Variants in FSTL4 observed in about 807,000 individuals in gnomAD.
FSTL4 encodes the protein follistatin like 4.
In FSTL4, 28 loss-of-function variants were observed where a neutral mutation model predicts 78.2. The ratio of observed to expected loss-of-function variants is 0.36; its 90% CI spans 0.27 to 0.49. The LOEUF (loss-of-function observed/expected upper bound fraction) is 0.49. Ranked by LOEUF, FSTL4 falls within the 20% of genes least tolerant of loss-of-function variation. FSTL4 has a pLI of 0.98. For synonymous variants in FSTL4, 422 were observed against 440.5 expected (o/e 0.96, Z 0.53); for missense variants, 922 against 1,084.9 (o/e 0.85, Z 2.11).
chr5:133,441,378 G>A (rs2127003225), intron 3 of FSTL4, among the ~76,000 whole-genome samples: 1 of 152,298 alleles, frequency 6.6e-6, no homozygotes, highest in Non-Finnish European at 1.5e-5. Flanking sequence ...CACCCCGAGG[G>A]GAGACAGAGA....
chr5:133,425,940 G>C (rs185250158), intron 3 of FSTL4, among the ~76,000 whole-genome samples: 12 of 152,336 alleles, frequency 7.9e-5, no homozygotes, highest in Non-Finnish European at 1.6e-4. Flanking sequence ...TGAAGTTAGG[G>C]TGAGGAGAAG....
the FSTL4 span, among the ~76,000 whole-genome samples, chr5:133,680,545 C>T: frequency 6.6e-6 from 1 of 152,222 alleles, no homozygotes; most frequent in African/African-American, 2.4e-5. Context: ...ATTTTACCCT[C>T]TGATCTCCTC....
intron 2 of FSTL4, among the ~76,000 whole-genome samples, chr5:133,581,530 C>T: frequency 6.6e-6 from 1 of 152,248 alleles, no homozygotes; most frequent in East Asian, 1.9e-4. Context: ...CCACCCACAC[C>T]TCCCAGGAGG....
At chr5:133,215,934 AT>A (rs1750892044) in intron 13 of FSTL4, among the ~76,000 whole-genome samples, 1 of 152,162 alleles carries the variant, frequency 6.6e-6, no homozygotes, top group Admixed American at 6.5e-5. Flanking sequence ...TTTAGGGCCC[AT>A]CCAGGTAATC....
chr5:133,222,274 A>C (rs546148115), intron 11 of FSTL4, among the ~76,000 whole-genome samples: 1 of 152,016 alleles, frequency 6.6e-6, no homozygotes, highest in Non-Finnish European at 1.5e-5. Context: ...ATCCCGGGGG[A>C]ATCAGGGGCG....
At chr5:133,275,474 C>T (rs6886857) in intron 6 of FSTL4, among the ~76,000 whole-genome samples, 2,116 of 151,716 alleles carry the variant, frequency 0.014, 15 homozygotes, top group South Asian at 0.029. Context: ...GCAGAAGAAT[C>T]GCTTGAACCC....
chr5:133,302,573 G>A (rs1179527384), intron 6 of FSTL4, among the ~76,000 whole-genome samples: 1 of 152,214 alleles, frequency 6.6e-6, no homozygotes, highest in East Asian at 1.9e-4. Context: ...AGGGTGGCTT[G>A]GCACTGTCCC....
Position 133,199,361 on chromosome 5 carries a change from G to C in FSTL4, c.2263C>G (p.Leu755Val), listed in dbSNP as rs1268490589. 5 of 1,614,066 alleles carry C rather than the reference G, an allele frequency of 3.1e-6. No individual in the cohort carries two copies. The Admixed American group carries it at 5.0e-5, about 16-fold the overall frequency. Residue 755 changes from leucine to valine, a missense_variant, in exon 16 of 16, where the codon CTG becomes GTG. Physicochemically the swap from Leu to Val is conservative, Grantham distance 32. Coordinates refer to ENST00000265342, the MANE Select transcript of FSTL4 (RefSeq NM_015082.2). This position sits in a 1 kb window ranked among gnomAD's most constrained non-coding sequence, Gnocchi z 4.4. ...ESNQYNIYAA[L>V]HTEPDLLFLE... ...AACAGCAGGTCCGGCTCCGTGTGCA[G>C]AGCCGCGTAGATGTTGTATTGATTG...
chr5:133,805,532 C>T, the FSTL4 span, among the ~76,000 whole-genome samples: 1 of 152,154 alleles, frequency 6.6e-6, no homozygotes, highest in Non-Finnish European at 1.5e-5. Context: ...TCCTAAGATT[C>T]CCTGTTATTG....
chr5:133,811,558 C>G, the FSTL4 span, among the ~76,000 whole-genome samples: 1 of 152,252 alleles, frequency 6.6e-6, no homozygotes, highest in African/African-American at 2.4e-5. Flanking sequence ...TCCTCAAACA[C>G]AAATCAGCAA....
chr5:133,204,811 G>C lies in FSTL4; in HGVS notation c.1717-2769C>G, dbSNP rs148960769. The stretch of plus-strand genomic sequence containing the variant: ...AGATTGTGCCACTGCACTCCAGCCT[G>C]GGTGCAGAGTGAGATTCTGTCTCAA... On this transcript the variant is annotated intron_variant, in intron 14 of 15. Coordinates refer to ENST00000265342, the MANE Select transcript of FSTL4 (RefSeq NM_015082.2). Among the ~76,000 whole-genome samples the C allele has an allele frequency of 7.5e-3, 1,123 of 149,990 alleles. 18 individuals are homozygous for C. Among genetic ancestry groups the C allele is most frequent in the African/African-American group, 0.026 (1,058 of 40,440 alleles).
the FSTL4 span, among the ~76,000 whole-genome samples, chr5:133,747,041 G>C: frequency 6.6e-6 from 1 of 152,188 alleles, no homozygotes; most frequent in Non-Finnish European, 1.5e-5. Flanking sequence ...GAGGGGAGAT[G>C]AGAAGCTTCT....
intron 3 of FSTL4, among the ~76,000 whole-genome samples, chr5:133,414,471 C>T (rs1338832835): frequency 1.3e-5 from 2 of 152,094 alleles, no homozygotes; most frequent in Non-Finnish European, 2.9e-5. Flanking sequence ...TCCTGAGCCA[C>T]GGAGGGTATG....
intron 3 of FSTL4, among the ~76,000 whole-genome samples, chr5:133,488,594 A>T (rs907025669): frequency 9.2e-5 from 14 of 152,228 alleles, no homozygotes; most frequent in African/African-American, 3.4e-4. Context: ...CAGATTGATG[A>T]CGGGACATGT....
At chr5:133,478,403 G>T (rs1757962734) in intron 3 of FSTL4, among the ~76,000 whole-genome samples, 1 of 152,184 alleles carries the variant, frequency 6.6e-6, no homozygotes, top group Admixed American at 6.5e-5. Flanking sequence ...ACCCACTCGG[G>T]TTCAGACCAC....
At chr5:133,448,348 T>C (rs994705425) in intron 3 of FSTL4, among the ~76,000 whole-genome samples, 11 of 152,084 alleles carry the variant, frequency 7.2e-5, no homozygotes, top group African/African-American at 2.2e-4. Flanking sequence ...ACCCACACCG[T>C]CTGAAGGAGA....
the FSTL4 span, among the ~76,000 whole-genome samples, chr5:133,741,720 C>T: frequency 2.0e-5 from 3 of 152,194 alleles, no homozygotes; most frequent in Admixed American, 1.3e-4. Flanking sequence ...CCACACTCCC[C>T]GCACTGTGCT....
the FSTL4 span, among the ~76,000 whole-genome samples, chr5:133,748,757 C>T: frequency 6.6e-6 from 1 of 152,290 alleles, no homozygotes; most frequent in East Asian, 1.9e-4. Context: ...CACTCCACAT[C>T]GTGACTTGAC....
At chr5:133,243,237 A>C (rs1207401786) in intron 7 of FSTL4, among the ~76,000 whole-genome samples, 2 of 135,124 alleles carry the variant, frequency 1.5e-5, no homozygotes, top group East Asian at 3.9e-4. Context: ...AGATTCAGTG[A>C]AAAAAAAACC....
Sources: gnomAD v4.1 joint callset for allele counts (sites outside exome capture counted in the v4.1 genomes callset) on GRCh38, gnomAD v4.1.1 for gene constraint, Gnocchi (gnomAD v3.1) non-coding constraint, MANE v1.5 for transcripts, NCBI Gene and HGNC (gene_info 2026-07-23, HGNC 2026-07-21) for gene names.